SGCD: variants seen among roughly 807,000 people sequenced by gnomAD.
SGCD encodes the protein delta-sarcoglycan.
SGCD carries 18 observed loss-of-function variants against 36.6 expected under a neutral mutation model. The ratio of observed to expected loss-of-function variants is 0.49; its 90% CI spans 0.34 to 0.73. The LOEUF (loss-of-function observed/expected upper bound fraction) is 0.73. Among genes scored for constraint, SGCD ranks in the 30% least tolerant of loss-of-function variants. The probability of loss-of-function intolerance (pLI) is 0.01; values close to 1 mark genes in which losing one functional copy is unlikely to be tolerated. For missense variants in SGCD, 387 were observed against 346.7 expected, an observed-to-expected ratio of 1.12 and a Z score of -0.92; for synonymous variants, 133 against 130.6, an observed-to-expected ratio of 1.02 and a Z score of -0.12.
At chr5:155,969,207 CT>C (rs1490120492) in intron 1 of SGCD, among the ~76,000 whole-genome samples, 2 of 152,164 alleles carry the variant, frequency 1.3e-5, no homozygotes, top group Admixed American at 6.6e-5. Flanking sequence ...ATTTTTGGAA[CT>C]TGTGGACTGG....
intron 3 of SGCD, among the ~76,000 whole-genome samples, chr5:156,275,960 T>G (rs1208461951): frequency 6.6e-6 from 1 of 152,106 alleles, no homozygotes; most frequent in East Asian, 1.9e-4. Flanking sequence ...AGACAGTCAA[T>G]CCTTAAAATG....
At chr5:155,738,119 C>CA in the SGCD span, among the ~76,000 whole-genome samples, 1 of 152,288 alleles carries the variant, frequency 6.6e-6, no homozygotes, top group Non-Finnish European at 1.5e-5. Flanking sequence ...TGTTTAAAGG[C>CA]ATTAACATAA....
chr5:156,022,422 T>C (rs1195238643), intron 1 of SGCD, among the ~76,000 whole-genome samples: 2 of 152,250 alleles, frequency 1.3e-5, no homozygotes, highest in African/African-American at 4.8e-5. Context: ...GGAATTATTA[T>C]AAATGTTCAA....
At chr5:156,593,570 T>TC (rs1246467722) in intron 5 of SGCD, among the ~76,000 whole-genome samples, 2 of 152,168 alleles carry the variant, frequency 1.3e-5, no homozygotes, top group Admixed American at 1.3e-4. Flanking sequence ...TAAGATTTAC[T>TC]CCCATTTTCT....
At chr5:155,734,026 A>C in the SGCD span, among the ~76,000 whole-genome samples, 1 of 150,444 alleles carries the variant, frequency 6.6e-6, no homozygotes, top group Non-Finnish European at 1.5e-5. Flanking sequence ...CAATTTGGCC[A>C]GTTCACACAG....
At chr5:156,580,910 T>C (rs1357149131) in intron 4 of SGCD, among the ~76,000 whole-genome samples, 1 of 152,234 alleles carries the variant, frequency 6.6e-6, no homozygotes, top group Non-Finnish European at 1.5e-5. Flanking sequence ...TGTCAGCTCT[T>C]TAAAGTCATT....
At chr5:156,318,096 G>A (rs1156610636) in intron 3 of SGCD, among the ~76,000 whole-genome samples, 1 of 152,178 alleles carries the variant, frequency 6.6e-6, no homozygotes, top group African/African-American at 2.4e-5. Context: ...CTCAGCAAGA[G>A]AGGTTCTATC....
At chr5:156,548,507 G>T (rs2113186197) in intron 4 of SGCD, among the ~76,000 whole-genome samples, 1 of 152,286 alleles carries the variant, frequency 6.6e-6, no homozygotes, top group Admixed American at 6.5e-5. Context: ...GGAGGAAATT[G>T]GATATAGATA....
upstream of SGCD, among the ~76,000 whole-genome samples, chr5:155,868,215 C>A (rs2113268170): frequency 6.6e-6 from 1 of 152,134 alleles, no homozygotes; most frequent in African/African-American, 2.4e-5. Flanking sequence ...TCATGCCTGG[C>A]TAATTTTTGT....
At chr5:155,777,090 G>A in the SGCD span, among the ~76,000 whole-genome samples, 1 of 152,118 alleles carries the variant, frequency 6.6e-6, no homozygotes, top group African/African-American at 2.4e-5. Flanking sequence ...CTTGTGAGTT[G>A]TTGGGAAATA....
intron 1 of SGCD, among the ~76,000 whole-genome samples, chr5:156,094,408 T>C (rs1241470609): frequency 6.6e-6 from 1 of 152,232 alleles, no homozygotes; most frequent in African/African-American, 2.4e-5. Context: ...TAAGAGTTGG[T>C]GCCCGCTCCC....
chr5:156,108,036 A>C (rs568180765), intron 1 of SGCD, among the ~76,000 whole-genome samples: 1 of 152,226 alleles, frequency 6.6e-6, no homozygotes, highest in African/African-American at 2.4e-5. Flanking sequence ...GGAACATTTT[A>C]TAAAAGGAAT....
chr5:156,165,153 G>A (rs1258344379), intron 3 of SGCD, among the ~76,000 whole-genome samples: 4 of 152,168 alleles, frequency 2.6e-5, no homozygotes, highest in African/African-American at 9.7e-5. Context: ...AGTTCCGGAG[G>A]GAAGGGCTCT....
the SGCD span, among the ~76,000 whole-genome samples, chr5:155,834,084 G>A: frequency 6.6e-6 from 1 of 152,180 alleles, no homozygotes; most frequent in Admixed American, 6.5e-5. Flanking sequence ...TGCCCATGCA[G>A]AGTTAAATAC....
chr5:156,484,950 G>A (rs1249661208), intron 3 of SGCD, among the ~76,000 whole-genome samples: 1 of 152,068 alleles, frequency 6.6e-6, no homozygotes, highest in East Asian at 1.9e-4. Context: ...AATAGGATTT[G>A]AGCCAAAATT....
At chr5:156,328,250 G>A (rs1767904439) in intron 1 of SGCD, among the ~76,000 whole-genome samples, 1 of 152,184 alleles carries the variant, frequency 6.6e-6, no homozygotes. Context: ...CAATGTCATT[G>A]CATTTGAGAG....
intron 7 of SGCD, among the ~76,000 whole-genome samples, chr5:156,701,816 T>C (rs1329271248): frequency 6.6e-6 from 1 of 152,174 alleles, no homozygotes; most frequent in South Asian, 2.1e-4. Context: ...AATATTATAA[T>C]GTATGTTTAC....
the SGCD span, among the ~76,000 whole-genome samples, chr5:155,819,442 C>T: frequency 6.6e-6 from 1 of 151,932 alleles, no homozygotes; most frequent in African/African-American, 2.4e-5. Context: ...TGAAAAGTGA[C>T]GATTGAAAAG....
intron 1 of SGCD, among the ~76,000 whole-genome samples, chr5:155,962,266 C>T (rs1368865826): frequency 6.6e-6 from 1 of 152,052 alleles, no homozygotes; most frequent in Non-Finnish European, 1.5e-5. Flanking sequence ...ATCATTCTAT[C>T]AGGTGTCTGT....
Sources: gnomAD v4.1 joint callset for allele counts (sites outside exome capture counted in the v4.1 genomes callset) on GRCh38, gnomAD v4.1.1 for gene constraint, MANE v1.5 for transcripts, NCBI Gene and HGNC (gene_info 2026-07-23, HGNC 2026-07-21) for gene names.